ISM1: variants seen among roughly 807,000 people sequenced by gnomAD.
ISM1 encodes isthmin 1.
A neutral mutation model predicts 46.3 loss-of-function variants in ISM1; 25 were observed. The ratio of observed to expected loss-of-function variants is 0.54; its 90% CI spans 0.39 to 0.75. ISM1 has a LOEUF of 0.75. Ranked by LOEUF, ISM1 falls within the 30% of genes least tolerant of loss-of-function variation. ISM1 has a pLI of 0.00. For missense variants in ISM1, 536 were observed against 625.4 expected, an observed-to-expected ratio of 0.86 and a Z score of 1.52; for synonymous variants, 255 against 256.7, an observed-to-expected ratio of 0.99 and a Z score of 0.06.
At chr20:13,318,934 T>A in the ISM1 span, among the ~76,000 whole-genome samples, 1 of 152,200 alleles carries the variant, frequency 6.6e-6, no homozygotes, top group East Asian at 1.9e-4. Flanking sequence ...ATGCTATGTG[T>A]TACTATAATG....
intron 1 of ISM1, among the ~76,000 whole-genome samples, chr20:13,249,359 C>A (rs937537549): frequency 2.0e-5 from 3 of 152,198 alleles, no homozygotes; most frequent in Non-Finnish European, 4.4e-5. Context: ...GTTCTGCCAG[C>A]AGACCACTGC....
rs987846868 is a variant in ISM1 at position 13,278,700 on chromosome 20, G to A, written c.379-934G>A. ...CTTAATAGTTTGAGACAATGACCAC[G>A]GGATTGCTGTGGGTCAGGAATTTGA... is the stretch of plus-strand genomic sequence containing the variant. On this transcript the variant is annotated intron_variant, in intron 2 of 5. Transcript: ENST00000262487. Among the ~76,000 whole-genome samples, 10 of 152,332 alleles carry A rather than the reference G, an allele frequency of 6.6e-5. No homozygotes were observed. In the South Asian group the frequency reaches 1.7e-3, roughly 25 times the overall value.
chr20:13,321,265 A>AAAAAAAAAAAAAAC, the ISM1 span, among the ~76,000 whole-genome samples: 1 of 150,956 alleles, frequency 6.6e-6, no homozygotes, highest in Non-Finnish European at 1.5e-5. Flanking sequence ...AAAAAAAAAA[A>AAAAAAAAAAAAAAC]AAAAAAAAAA....
At chr20:13,244,335 A>C (rs1254678506) in intron 1 of ISM1, 1 of 148,056 alleles carries the variant, frequency 6.8e-6, no homozygotes, top group Non-Finnish European at 1.5e-5. Flanking sequence ...GCTCACATAG[A>C]GGTGTCAGCT....
intron 1 of ISM1, among the ~76,000 whole-genome samples, chr20:13,256,793 T>C (rs2039934495): frequency 6.6e-6 from 1 of 152,190 alleles, no homozygotes; most frequent in African/African-American, 2.4e-5. Context: ...TTCTCATCTG[T>C]ACAATGGGGG....
intron 1 of ISM1, among the ~76,000 whole-genome samples, chr20:13,256,676 C>G (rs114858311): frequency 0.01 from 1,535 of 152,266 alleles, 27 homozygotes; most frequent in African/African-American, 0.035. Flanking sequence ...TCTGAGCACT[C>G]TCTTTACACT....
intron 1 of ISM1, chr20:13,244,119 A>G (rs1338866394): frequency 6.6e-6 from 1 of 152,216 alleles, no homozygotes; most frequent in African/African-American, 2.4e-5. Flanking sequence ...GTACTTTGCT[A>G]TCCTCTCTTT....
At chr20:13,279,527 G>A (rs532266777) in intron 2 of ISM1, 107 bp from the exon 3 acceptor site, 17 of 1,101,400 alleles carry the variant, frequency 1.5e-5, no homozygotes, top group East Asian at 5.2e-5. Flanking sequence ...CCTTCACAAC[G>A]GATGCATCCA....
At chr20:13,241,987 A>T (rs1374550836) in intron 1 of ISM1, among the ~76,000 whole-genome samples, 1 of 152,210 alleles carries the variant, frequency 6.6e-6, no homozygotes, top group East Asian at 1.9e-4. Flanking sequence ...CACTTGTTGA[A>T]GAAGGAAAGT....
chr20:13,222,729 T>C (rs867333485), intron 1 of ISM1, among the ~76,000 whole-genome samples: 5 of 152,224 alleles, frequency 3.3e-5, no homozygotes, highest in African/African-American at 1.2e-4. Flanking sequence ...GACTTAGGAA[T>C]AGAATTGCCC....
chr20:13,225,002 C>A (rs996342666), intron 1 of ISM1, among the ~76,000 whole-genome samples: 19 of 147,794 alleles, frequency 1.3e-4, no homozygotes, highest in Admixed American at 1.1e-3. Context: ...CCTGCCACCA[C>A]GCCCGGCTAA....
chr20:13,319,728 A>AC, the ISM1 span, among the ~76,000 whole-genome samples: 1 of 152,006 alleles, frequency 6.6e-6, no homozygotes, highest in African/African-American at 2.4e-5. Context: ...TTGAAGATTA[A>AC]CCCCCTCCCC....
At chr20:13,305,666 A>G in the ISM1 span, among the ~76,000 whole-genome samples, 1 of 152,214 alleles carries the variant, frequency 6.6e-6, no homozygotes, top group African/African-American at 2.4e-5. Flanking sequence ...TAAGGCAGAA[A>G]GTTTACAGCC....
intron 1 of ISM1, among the ~76,000 whole-genome samples, chr20:13,245,949 G>A (rs2039787829): frequency 6.6e-6 from 1 of 152,182 alleles, no homozygotes. Flanking sequence ...CTTTCCGGTT[G>A]CAAAAATTCT....
At chr20:13,321,933 T>A in the ISM1 span, among the ~76,000 whole-genome samples, 1 of 152,210 alleles carries the variant, frequency 6.6e-6, no homozygotes, top group Non-Finnish European at 1.5e-5. Context: ...AACTTCTCCA[T>A]GCCTTCGTTT....
In ISM1 at chr20:13,299,529, A is replaced by C; in HGVS notation, c.*70A>C. ...ACACACGTGCTGCACTGACGTGCCG[A>C]CTGGCGCCGAGACCTTCATAGCTGC... On this transcript the variant is annotated 3_prime_UTR_variant, in exon 6 of 6. Transcript: ENST00000262487. This position sits in a 1 kb window ranked among gnomAD's most constrained non-coding sequence, Gnocchi z 5.8. 1 of 1,407,672 alleles carries C rather than the reference A, an allele frequency of 7.1e-7. No homozygotes were observed. Among genetic ancestry groups the C allele is most frequent in the Non-Finnish European group, 9.6e-7 (1 of 1,037,636 alleles). 87.2% of individuals were successfully genotyped at this position (1,407,672 alleles called of 1,614,324 possible). A position where few individuals can be genotyped will look rare whatever the true frequency, so the allele number is the denominator to read the frequency against.
intron 1 of ISM1, among the ~76,000 whole-genome samples, chr20:13,260,783 G>A (rs1457686014): frequency 6.6e-6 from 1 of 152,122 alleles, no homozygotes; most frequent in East Asian, 1.9e-4. Context: ...AGCTTTTGTT[G>A]TGTAACAAAC....
chr20:13,297,980 G>A (rs2040422830), intron 5 of ISM1, among the ~76,000 whole-genome samples: 1 of 152,174 alleles, frequency 6.6e-6, no homozygotes, highest in Non-Finnish European at 1.5e-5. Context: ...CTAAGGTTAA[G>A]AGGCTGGGGG....
chr20:13,311,717 A>G, the ISM1 span, among the ~76,000 whole-genome samples: 12 of 152,326 alleles, frequency 7.9e-5, no homozygotes, highest in Middle Eastern at 6.8e-3. Context: ...TCTCACTTAT[A>G]TGTGGAATCT....
Sources: gnomAD v4.1 joint callset for allele counts (sites outside exome capture counted in the v4.1 genomes callset) on GRCh38, gnomAD v4.1.1 for gene constraint, Gnocchi (gnomAD v3.1) non-coding constraint, MANE v1.5 for transcripts, NCBI Gene and HGNC (gene_info 2026-07-23, HGNC 2026-07-21) for gene names.